The following KATNB1 variants were observed in gnomAD, a reference collection of about 807,000 sequenced individuals.
The protein encoded by KATNB1 is katanin regulatory subunit B1.
In KATNB1, 38 loss-of-function variants were observed where a neutral mutation model predicts 82.3. That is an observed-to-expected ratio of 0.46 (90% CI 0.36 to 0.61). The LOEUF is 0.61. Among genes scored for constraint, KATNB1 ranks in the 20% least tolerant of loss-of-function variants. The pLI, the probability that KATNB1 is intolerant of heterozygous loss-of-function variation, is 0.00. For missense variants in KATNB1, 749 were observed against 915.7 expected (o/e 0.82, Z 2.35); for synonymous variants, 361 against 368.7 (o/e 0.98, Z 0.24).
intron 2 of KATNB1, 137 bp from the exon 3 acceptor site, chr16:57,741,550 C>G (rs2049141973): frequency 1.1e-6 from 1 of 893,746 alleles, no homozygotes; most frequent in African/African-American, 1.7e-5. Flanking sequence ...ATGGTGGACA[C>G]CAAAGGGGGA....
Position 57,755,140 on chromosome 16 carries a change from C to T in KATNB1, c.1318C>T (p.Pro440Ser). 6.2e-7 allele frequency: 1 copy of T among 1,612,796 alleles called. No individual in the cohort carries two copies. Among genetic ancestry groups the T allele is most frequent in the South Asian group, 1.1e-5 (1 of 91,088 alleles). Residue 440 changes from proline (P) to serine (S), a missense_variant, in exon 15 of 20, where the codon CCA (proline) becomes TCA (serine). Pro to Ser is a moderately conservative substitution (Grantham distance 74). Coordinates refer to ENST00000379661, the MANE Select transcript of KATNB1 (RefSeq NM_005886.3). ...TCAGCTGGAGGTCCTGCCCCGGCCC[C>T]CAGTGGTTGCTTCCACACCTGCACC... ...VPNLEVLPRP[P>S]VVASTPAPKA...
intron 3 of KATNB1, among the ~76,000 whole-genome samples, chr16:57,743,526 C>A (rs1555580328): frequency 6.6e-6 from 1 of 152,224 alleles, no homozygotes; most frequent in Non-Finnish European, 1.5e-5. Context: ...GTTGAAAAAG[C>A]ATCACCAATG....
intron 3 of KATNB1, 138 bp downstream of exon 3, chr16:57,741,955 G>T: frequency 9.8e-6 from 10 of 1,023,716 alleles, no homozygotes; most frequent in Non-Finnish European, 1.4e-5. Flanking sequence ...CCCAGCTCAG[G>T]GGTGGAGGGG....
Position 57,744,450 on chromosome 16 carries a change from G to C in KATNB1, c.228G>C (p.Glu76Asp). 2 of 1,614,062 alleles carry C rather than the reference G, an allele frequency of 1.2e-6. No homozygotes were observed. Among genetic ancestry groups the C allele is most frequent in the South Asian group, 2.2e-5 (2 of 91,090 alleles). ...GCGTCCGCCTCAACACCCCCGAGGA[G>C]CTCATCGTGGCCGGCTCTCAGTCGG... ...VESVRLNTPE[E>D]LIVAGSQSGS... The change falls in exon 4 of 20, where the codon GAG becomes GAC. Residue 76 changes from glutamate to aspartate, a missense_variant. This residue lies in a region of KATNB1 where 247 missense variants were observed against 349.4 expected (regional missense o/e 0.71). Transcript: ENST00000379661.
In KATNB1 at chr16:57,751,028, C is replaced by A; in HGVS notation, c.390+101C>A. 1 of 998,174 alleles carries A rather than the reference C, an allele frequency of 1.0e-6. No individual in the cohort carries two copies. The highest frequency in any genetic ancestry group is 1.3e-5 in the South Asian group (1 of 76,190). 61.8% of individuals were successfully genotyped at this position (998,174 alleles called of 1,614,324 possible). On this transcript the variant is annotated intron_variant, in intron 5 of 19. Transcript: ENST00000379661. The surrounding 1 kb of genome is among the most constrained non-coding windows in gnomAD (Gnocchi z 6.3). The stretch of plus-strand genomic sequence containing the variant: ...GATGCCTGCTGAGGGGACCTCTTCC[C>A]TTTCTGCAGCCACATCCACACCATC...
chr16:57,754,708 C>T (rs1240467681), intron 13 of KATNB1, among the ~76,000 whole-genome samples: 1 of 152,176 alleles, frequency 6.6e-6, no homozygotes, highest in Admixed American at 6.5e-5. Context: ...CCCCCTGGGT[C>T]CCACCCACAG....
In KATNB1 at chr16:57,741,727, G is replaced by A. The variant is rs1555579624; in HGVS notation, c.81G>A (p.Val27=). Residue 27 remains valine, a synonymous_variant, in exon 3 of 20, where the codon GTG becomes GTA. Coordinates refer to ENST00000379661, the MANE Select transcript of KATNB1 (RefSeq NM_005886.3). ...ATGCCAGCAACGTGTCCTCACTGGT[G>A]CTGGGCAAAGCCTCCGGGCGGCTGC... ...VAHASNVSSL[V]LGKASGRLLA... is the part of the protein sequence containing the mutation. 6.2e-7 allele frequency: 1 copy of A among 1,614,158 alleles called. No individual in the cohort carries two copies. The highest frequency in any genetic ancestry group is 8.5e-7 in the Non-Finnish European group (1 of 1,180,046).
intron 16 of KATNB1, 119 bp downstream of exon 16, chr16:57,755,613 TC>T: frequency 7.7e-7 from 1 of 1,305,996 alleles, no homozygotes; most frequent in Non-Finnish European, 1.0e-6. Flanking sequence ...GGATAGGCCA[TC>T]CCTGACGTCA....
Position 57,756,139 on chromosome 16 carries a change from G to A in KATNB1, c.1718+73G>A, listed in dbSNP as rs925941756. On this transcript the variant is annotated intron_variant, in intron 18 of 19. Coordinates refer to ENST00000379661, the MANE Select transcript of KATNB1 (RefSeq NM_005886.3). ...GTAAGAAGCCTCCTCCAGAACCATGGGAAGGACCCCCAAGAGCCTGGGTGT... is the reference window on the plus strand; with the variant it reads ...GTAAGAAGCCTCCTCCAGAACCATGAGAAGGACCCCCAAGAGCCTGGGTGT... 5.9e-6 allele frequency: 9 copies of A among 1,523,472 alleles called. No individual in the cohort carries two copies. In the African/African-American group the frequency reaches 9.6e-5, roughly 16 times the overall value. 94.4% of individuals were successfully genotyped at this position (1,523,472 alleles called of 1,614,324 possible).
chr16:57,751,970 T>C lies in KATNB1; in HGVS notation c.547T>C (p.Ser183Pro). 6.2e-7 allele frequency: 1 copy of C among 1,613,878 alleles called. No individual in the cohort carries two copies. The highest frequency in any genetic ancestry group is 8.5e-7 in the Non-Finnish European group (1 of 1,179,978). Residue 183 changes from serine (S) to proline (P), a missense_variant, in exon 8 of 20, where the codon TCT becomes CCT. By Grantham distance (74) the Ser-to-Pro change is moderately conservative. Coordinates refer to ENST00000379661, the MANE Select transcript of KATNB1 (RefSeq NM_005886.3). The surrounding 1 kb of genome is among the most constrained non-coding windows in gnomAD (Gnocchi z 6.3). ...LWDLTAGKMM[S>P]EFPGHTGPVN... ...GGATCTCACTGCCGGCAAGATGATG[T>C]CTGAGTTCCCTGGTCACACGGGGCC... is the stretch of plus-strand genomic sequence containing the variant.
At chr16:57,748,843 G>A (rs374027657) in intron 4 of KATNB1, among the ~76,000 whole-genome samples, 1 of 152,226 alleles carries the variant, frequency 6.6e-6, no homozygotes, top group Non-Finnish European at 1.5e-5. Context: ...GTGGGACTCC[G>A]CCACATCCTC....
rs1431831715 is a variant in KATNB1 at position 57,757,213 on chromosome 16, A to G, written c.*267A>G. 1 of 354,262 alleles carries G rather than the reference A, an allele frequency of 2.8e-6. No individual in the cohort carries two copies. Among genetic ancestry groups the G allele is most frequent in the Non-Finnish European group, 5.0e-6 (1 of 198,346 alleles). The allele number at this position is 354,262 out of a possible 1,614,324, so 21.9% of individuals were successfully genotyped here. A position where few individuals can be genotyped will look rare whatever the true frequency, so the allele number is the denominator to read the frequency against. Reference sequence around the variant, plus strand: ...AGCCCTGGGGCTGCTGCTGTAATTTATAAGGCAAATTTTATTAAATTTGTA... The same window carrying G: ...AGCCCTGGGGCTGCTGCTGTAATTTGTAAGGCAAATTTTATTAAATTTGTA... On this transcript the variant is annotated 3_prime_UTR_variant, in exon 20 of 20. Transcript: ENST00000379661.
At chr16:57,753,562 G>A in intron 12 of KATNB1, 43 bp downstream of exon 12, 1 of 1,604,722 alleles carries the variant, frequency 6.2e-7, no homozygotes, top group Non-Finnish European at 8.5e-7. Flanking sequence ...CCCCATCGGT[G>A]AAAGGGAGGC....
intron 2 of KATNB1, among the ~76,000 whole-genome samples, chr16:57,738,853 G>C (rs749885283): frequency 1.3e-5 from 2 of 152,156 alleles, no homozygotes; most frequent in Non-Finnish European, 2.9e-5. Context: ...TGTACAGCGG[G>C]AGCTCAGAGC....
rs770201673 is a variant in KATNB1 at position 57,739,607 on chromosome 16, C to T, written c.41-2080C>T. Among the ~76,000 whole-genome samples the T allele has an allele frequency of 1.8e-4, 27 of 152,322 alleles. No homozygotes were observed. In the Middle Eastern group the frequency reaches 0.017, roughly 96 times the overall value. On this transcript the variant is annotated intron_variant, in intron 2 of 19. Transcript: ENST00000379661. Reference sequence around the variant, plus strand: ...AGGAGGAGCTCTTGGGGTGGTGCCCCGTGCCTCCTTTGCAGGTGCCTGTGC... The same window carrying T: ...AGGAGGAGCTCTTGGGGTGGTGCCCTGTGCCTCCTTTGCAGGTGCCTGTGC...
At position 57,753,558 on chromosome 16, in the gene KATNB1, C is replaced by T. The variant is rs375998895; in HGVS notation, c.1177+39C>T. On this transcript the variant is annotated intron_variant, in intron 12 of 19. Coordinates refer to ENST00000379661, the MANE Select transcript of KATNB1 (RefSeq NM_005886.3). ...CCCGCCCCCAGCCCAGCGTCCCCAT[C>T]GGTGAAAGGGAGGCTGGGGGTCCTT... 8.0e-5 allele frequency: 129 copies of T among 1,606,642 alleles called. 2 individuals are homozygous for T. The East Asian group carries it at 1.7e-3, about 21-fold the overall frequency.
chr16:57,737,411 A>T (rs2049109256), intron 2 of KATNB1, 128 bp downstream of exon 2: 1 of 991,450 alleles, frequency 1.0e-6, no homozygotes, highest in African/African-American at 1.6e-5. Context: ...TGGGAGTAAG[A>T]TAGACCATTA....
chr16:57,744,346 C>T (rs1027744314), intron 3 of KATNB1, 48 bp from the exon 4 acceptor site: 1 of 1,498,814 alleles, frequency 6.7e-7, no homozygotes. Flanking sequence ...GGCGCAACTG[C>T]AGGGGTCTGT....
At chr16:57,749,777 T>G (rs905683572) in intron 4 of KATNB1, among the ~76,000 whole-genome samples, 12 of 152,190 alleles carry the variant, frequency 7.9e-5, no homozygotes, top group Admixed American at 4.6e-4. Context: ...AAGGAAAGGA[T>G]AGGAGATGTG....
Sources: gnomAD v4.1 joint callset for allele counts (sites outside exome capture counted in the v4.1 genomes callset) on GRCh38, gnomAD v4.1.1 for gene constraint, gnomAD v4.1.1 regional missense constraint, Gnocchi (gnomAD v3.1) non-coding constraint, MANE v1.5 for transcripts, NCBI Gene and HGNC (gene_info 2026-07-23, HGNC 2026-07-21) for gene names.